The following AGTPBP1 variants were observed in gnomAD, a reference collection of about 807,000 sequenced individuals.
AGTPBP1 encodes the protein ATP/GTP binding carboxypeptidase 1.
AGTPBP1 carries 70 observed loss-of-function variants against 143.9 expected under a neutral mutation model. That is an observed-to-expected ratio of 0.49 (90% CI 0.40 to 0.59). The LOEUF is 0.59. Ranked by LOEUF, AGTPBP1 falls within the 20% of genes least tolerant of loss-of-function variation. The pLI is 0.00. For missense variants in AGTPBP1, 1,229 were observed against 1,464.5 expected (o/e 0.84, Z 2.62); for synonymous variants, 463 against 500.2 (o/e 0.93, Z 0.99).
At chr9:85,681,900 C>T (rs958654629) in intron 3 of AGTPBP1, among the ~76,000 whole-genome samples, 1 of 151,750 alleles carries the variant, frequency 6.6e-6, no homozygotes, top group Non-Finnish European at 1.5e-5. Context: ...CAAGTGTGTG[C>T]CACCATGCCC....
intron 1 of AGTPBP1, among the ~76,000 whole-genome samples, chr9:85,723,432 T>C (rs1838263483): frequency 6.6e-6 from 1 of 152,162 alleles, no homozygotes; most frequent in South Asian, 2.1e-4. Context: ...AGCTGCAGCA[T>C]TGCAGGTTGA....
Position 85,596,389 on chromosome 9 carries a change from C to T in AGTPBP1, c.2396G>A (p.Arg799His), listed in dbSNP as rs779664281. 2.5e-6 allele frequency: 4 copies of T among 1,610,520 alleles called. No homozygotes were observed. The highest frequency in any genetic ancestry group is 3.3e-5 in the Admixed American group (2 of 59,756). Reference sequence around the variant, plus strand: ...ATAGTAACAAATGTCAGTCCCCATACGAATCCACCATGGTCTGGCATTTAA... The same window carrying T: ...ATAGTAACAAATGTCAGTCCCCATATGAATCCACCATGGTCTGGCATTTAA... ...EALNARPWWI[R>H]MGTDICYYKN... The change falls in exon 18 of 26, where the codon CGT becomes CAT. Residue 799 changes from arginine (R) to histidine (H), a missense_variant. Arg to His is a conservative substitution (Grantham distance 29). Around this residue, in one of 2 missense-constraint regions of AGTPBP1, gnomAD observed 486 missense variants for 652.3 expected, o/e 0.75. Coordinates refer to ENST00000357081, the MANE Select transcript of AGTPBP1 (RefSeq NM_001330701.2).
chr9:85,697,523 G>A, intron 2 of AGTPBP1, among the ~76,000 whole-genome samples: 1 of 142,796 alleles, frequency 7.0e-6, no homozygotes, highest in Non-Finnish European at 1.5e-5. Context: ...CGCAATCTCG[G>A]CTCACTGCAA....
chr9:85,572,434 T>C (rs1827565144), intron 25 of AGTPBP1, among the ~76,000 whole-genome samples: 1 of 152,186 alleles, frequency 6.6e-6, no homozygotes, highest in African/African-American at 2.4e-5. Flanking sequence ...TATAAACTCC[T>C]TCTCATAATA....
chr9:85,642,784 T>C, intron 13 of AGTPBP1, 43 bp downstream of exon 13: 3 of 1,468,914 alleles, frequency 2.0e-6, no homozygotes, highest in Non-Finnish European at 1.9e-6. Context: ...AAAATAACTT[T>C]TTATTAAAAT....
intron 17 of AGTPBP1, among the ~76,000 whole-genome samples, chr9:85,612,750 T>C (rs760808181): frequency 3.9e-5 from 6 of 152,216 alleles, no homozygotes; most frequent in Non-Finnish European, 7.4e-5. Context: ...GTTTGTATCA[T>C]AACTGAATTG....
At chr9:85,655,738 A>G (rs1211786302) in intron 10 of AGTPBP1, among the ~76,000 whole-genome samples, 4 of 152,028 alleles carry the variant, frequency 2.6e-5, no homozygotes, top group African/African-American at 9.7e-5. Context: ...TCAGAACTGT[A>G]TCAGTTATCA....
upstream of AGTPBP1, chr9:85,742,030 G>T: frequency 4.2e-6 from 5 of 1,196,368 alleles, no homozygotes; most frequent in Non-Finnish European, 5.2e-6. Context: ...GCACGCGCAG[G>T]GAGTGGGGGC....
At chr9:85,750,128 C>T in the AGTPBP1 span, among the ~76,000 whole-genome samples, 20 of 152,124 alleles carry the variant, frequency 1.3e-4, no homozygotes, top group African/African-American at 3.4e-4. Flanking sequence ...GTGATCTACC[C>T]GCCTTGGCCT....
At chr9:85,732,107 TAAAC>T (rs916578249) in intron 1 of AGTPBP1, among the ~76,000 whole-genome samples, 10 of 151,984 alleles carry the variant, frequency 6.6e-5, no homozygotes, top group African/African-American at 9.7e-5. Context: ...TTTTCAGACT[TAAAC>T]AAAGCCAAAA....
At chr9:85,644,256 TTTAAA>T (rs1456721061) in intron 12 of AGTPBP1, among the ~76,000 whole-genome samples, 3 of 151,860 alleles carry the variant, frequency 2.0e-5, no homozygotes, top group African/African-American at 4.8e-5. Context: ...ATTTAATCTC[TTTAAA>T]TTATACATTT....
chr9:85,611,241 T>C (rs1254555819), intron 17 of AGTPBP1, among the ~76,000 whole-genome samples: 1 of 103,304 alleles, frequency 9.7e-6, no homozygotes, highest in African/African-American at 3.7e-5. Flanking sequence ...AAGAAAACAA[T>C]AAAGAAGTAC....
At chr9:85,673,401 C>T (rs934122940) in intron 6 of AGTPBP1, among the ~76,000 whole-genome samples, 6 of 152,036 alleles carry the variant, frequency 3.9e-5, no homozygotes, top group Non-Finnish European at 7.4e-5. Context: ...TACAATAATA[C>T]TTAATATGAA....
chr9:85,604,941 A>C (rs1178234531), intron 17 of AGTPBP1, among the ~76,000 whole-genome samples: 1 of 152,170 alleles, frequency 6.6e-6, no homozygotes, highest in Admixed American at 6.5e-5. Flanking sequence ...CAGAGAAGAC[A>C]AAAGAAAAAA....
chr9:85,678,775 T>C (rs1023371783), intron 4 of AGTPBP1, among the ~76,000 whole-genome samples: 4 of 152,252 alleles, frequency 2.6e-5, no homozygotes, highest in Non-Finnish European at 5.9e-5. Context: ...CAATTTCTTA[T>C]GCATTCTGCC....
chr9:85,711,683 A>C (rs994036294), intron 2 of AGTPBP1, among the ~76,000 whole-genome samples: 1 of 151,486 alleles, frequency 6.6e-6, no homozygotes, highest in African/African-American at 2.4e-5. Flanking sequence ...CAGATGACCC[A>C]CCCGCCTCGA....
In AGTPBP1 at chr9:85,639,371, A is replaced by ACACACG. The variant is rs1314319057; in HGVS notation, c.1302+3455_1302+3456insCGTGTG. Reference sequence around the variant, plus strand: ...CACACCCATGCGCGCGCACGCGCACACACACACACACACACACACACACAC... The same window carrying ACACACG: ...CACACCCATGCGCGCGCACGCGCACACACACGCACACACACACACACACACACACAC... On this transcript the variant is annotated intron_variant, in intron 13 of 25. Coordinates refer to ENST00000357081, the MANE Select transcript of AGTPBP1 (RefSeq NM_001330701.2). Among the ~76,000 whole-genome samples the ACACACG allele has an allele frequency of 8.6e-5, 11 of 127,506 alleles. No individual in the cohort carries two copies. In the South Asian group the frequency reaches 2.8e-3, roughly 33 times the overall value. 83.6% of individuals were successfully genotyped at this position (127,506 alleles called of 152,430 possible).
intron 1 of AGTPBP1, among the ~76,000 whole-genome samples, chr9:85,723,695 C>T (rs907153184): frequency 5.3e-5 from 8 of 152,128 alleles, no homozygotes; most frequent in African/African-American, 1.9e-4. Flanking sequence ...CTGCACCCAC[C>T]GTCCAACCAG....
chr9:85,779,313 G>C, the AGTPBP1 span, among the ~76,000 whole-genome samples: 1 of 151,252 alleles, frequency 6.6e-6, no homozygotes, highest in South Asian at 2.1e-4. Context: ...ATAAAGGGGA[G>C]TTTATTATTA....
Sources: allele counts gnomAD v4.1 joint callset (sites outside exome capture counted in the v4.1 genomes callset), GRCh38; gene constraint gnomAD v4.1.1; regional missense constraint gnomAD v4.1.1; transcripts MANE v1.5; gene names NCBI Gene and HGNC (gene_info 2026-07-23, HGNC 2026-07-21).